The following CYB5R3 variants were observed in gnomAD, a reference collection of about 807,000 sequenced individuals.
CYB5R3 encodes NADH-cytochrome b5 reductase 3.
CYB5R3 carries 28 observed loss-of-function variants against 36.5 expected under a neutral mutation model. That is an observed-to-expected ratio of 0.77 (90% confidence interval 0.57 to 1.05). CYB5R3 has a LOEUF of 1.05. CYB5R3 is among the 50% of genes least tolerant of loss of function. The probability of loss-of-function intolerance (pLI) is 0.00; values close to 1 mark genes in which losing one functional copy is unlikely to be tolerated. For missense variants in CYB5R3, 474 were observed against 408.9 expected, an observed-to-expected ratio of 1.16 and a Z score of -1.37; for synonymous variants, 181 against 159.8, an observed-to-expected ratio of 1.13 and a Z score of -1.00.
intron 2 of CYB5R3, chr22:42,632,226 G>A (rs965111137): frequency 6.6e-6 from 1 of 152,426 alleles, no homozygotes; most frequent in Non-Finnish European, 1.5e-5. Flanking sequence ...GCGTCCTGAG[G>A]GTGCACTCCC....
intron 8 of CYB5R3, among the ~76,000 whole-genome samples, chr22:42,621,146 TGTAA>T (rs1396556767): frequency 6.6e-6 from 1 of 152,072 alleles, no homozygotes; most frequent in East Asian, 1.9e-4. Context: ...TGTGCAGGTA[TGTAA>T]GACACCTTTC....
intron 1 of CYB5R3, among the ~76,000 whole-genome samples, chr22:42,637,071 A>G (rs1459537655): frequency 6.6e-6 from 1 of 152,220 alleles, no homozygotes; most frequent in Non-Finnish European, 1.5e-5. Context: ...CTGGGCTTCT[A>G]TGCTCAGTAC....
At chr22:42,628,546 G>A (rs922582197) in intron 4 of CYB5R3, among the ~76,000 whole-genome samples, 1 of 152,172 alleles carries the variant, frequency 6.6e-6, no homozygotes, top group Non-Finnish European at 1.5e-5. Context: ...ACCAACTCCA[G>A]GGCTGGATGC....
At position 42,619,921 on chromosome 22, in the gene CYB5R3, A is replaced by G; in HGVS notation, c.758T>C (p.Val253Ala). 1.2e-6 allele frequency: 2 copies of G among 1,605,804 alleles called. No homozygotes were observed. The highest frequency in any genetic ancestry group is 1.7e-6 in the Non-Finnish European group (2 of 1,176,258). ...PEAWDYGQGF[V>A]NEEMIRDHLP... ...GTGGTCCCGGATCATCTCCTCATTC[A>G]CGAAGCCCTGGCCGTAGTCCCAGGC... Residue 253 changes from valine to alanine, a missense_variant, in exon 9 of 9, where the codon GTG becomes GCG. Physicochemically the swap from Val to Ala is moderately conservative, Grantham distance 64. Transcript: ENST00000352397.
chr22:42,628,816 C>T (rs1272706225), intron 4 of CYB5R3, among the ~76,000 whole-genome samples: 1 of 152,170 alleles, frequency 6.6e-6, no homozygotes, highest in East Asian at 1.9e-4. Flanking sequence ...AGAGGAGGAG[C>T]GGCTCACCCT....
intron 2 of CYB5R3, among the ~76,000 whole-genome samples, chr22:42,635,719 T>G (rs957286300): frequency 6.6e-6 from 1 of 152,046 alleles, no homozygotes; most frequent in African/African-American, 2.4e-5. Flanking sequence ...AAGCCCAGGG[T>G]GGAGACTTGG....
In CYB5R3 at chr22:42,630,872, G is replaced by A. The variant is rs1928574628; in HGVS notation, c.333+10C>T. 6.2e-7 allele frequency: 1 copy of A among 1,608,756 alleles called. No individual in the cohort carries two copies. Among genetic ancestry groups the A allele is most frequent in the Non-Finnish European group, 8.5e-7 (1 of 1,176,732 alleles). On this transcript the variant is annotated intron_variant, in intron 4 of 8. Transcript: ENST00000352397. Reference sequence around the variant, plus strand: ...ACACCCCCTCCACAGTCATGACCCAGAGGCTTCACCTTGATGACCAGGTCC... The same window carrying A: ...ACACCCCCTCCACAGTCATGACCCAAAGGCTTCACCTTGATGACCAGGTCC...
In CYB5R3 at chr22:42,619,536, T is replaced by G. The variant is rs1014840413; in HGVS notation, c.*237A>C. 1.6e-5 allele frequency: 9 copies of G among 576,402 alleles called. No individual in the cohort carries two copies. The highest frequency in any genetic ancestry group is 2.8e-5 in the Non-Finnish European group (9 of 321,658). 35.7% of individuals were successfully genotyped at this position (576,402 alleles called of 1,614,324 possible). On this transcript the variant is annotated 3_prime_UTR_variant, in exon 9 of 9. Transcript: ENST00000352397. The stretch of plus-strand genomic sequence containing the variant: ...CAGGGATGGGGCTGGGCGTCTCTGG[T>G]AAGGACCAGTAAGTGCCAGGCAGGA...
chr22:42,645,226 C>T (rs1369057278), intron 1 of CYB5R3, among the ~76,000 whole-genome samples: 3 of 152,188 alleles, frequency 2.0e-5, no homozygotes, highest in African/African-American at 4.8e-5. Context: ...CTGTGTCTGT[C>T]GTCACCACTG....
chr22:42,649,327 G>A lies in CYB5R3; in HGVS notation c.-12C>T, dbSNP rs766757771. On this transcript the variant is annotated 5_prime_UTR_variant, in exon 1 of 9. Coordinates refer to ENST00000352397, the MANE Select transcript of CYB5R3 (RefSeq NM_000398.7). ...AGCTGGGCCCCCATGGTGGCCCCGCGCCGCGCTCGCTCTGTCGCCGCCGCC... is the reference window on the plus strand; with the variant it reads ...AGCTGGGCCCCCATGGTGGCCCCGCACCGCGCTCGCTCTGTCGCCGCCGCC... 3.0e-6 allele frequency: 3 copies of A among 1,011,756 alleles called. No individual in the cohort carries two copies. The highest frequency in any genetic ancestry group is 7.4e-5 in the South Asian group (2 of 27,038). The allele number at this position is 1,011,756 out of a possible 1,614,324, so 62.7% of individuals were successfully genotyped here. A position where few individuals can be genotyped will look rare whatever the true frequency, so the allele number is the denominator to read the frequency against.
At chr22:42,649,113 C>G (rs1929654018) in intron 1 of CYB5R3, among the ~76,000 whole-genome samples, 182 bp downstream of exon 1, 1 of 152,134 alleles carries the variant, frequency 6.6e-6, no homozygotes, top group Non-Finnish European at 1.5e-5. Context: ...GTAGCGGTCA[C>G]CACGTAGCTC....
chr22:42,622,775 GC>G (rs1356650609), intron 8 of CYB5R3, among the ~76,000 whole-genome samples: 3 of 152,322 alleles, frequency 2.0e-5, no homozygotes, highest in South Asian at 2.1e-4. Flanking sequence ...GAGGGTGTGC[GC>G]CCCCCACCAT....
At chr22:42,620,091 A>C in intron 8 of CYB5R3, 146 bp from the exon 9 acceptor site, 1 of 809,852 alleles carries the variant, frequency 1.2e-6, no homozygotes, top group Non-Finnish European at 2.1e-6. Context: ...CCCTGCCCCC[A>C]ACCCTGACTC....
intron 4 of CYB5R3, among the ~76,000 whole-genome samples, chr22:42,628,644 T>TA (rs1171288986): frequency 1.3e-5 from 2 of 152,188 alleles, no homozygotes; most frequent in Admixed American, 6.5e-5. Flanking sequence ...GGAGGCCCAC[T>TA]AAGCCACACT....
chr22:42,646,735 AG>A, intron 1 of CYB5R3: 2 of 985,764 alleles, frequency 2.0e-6, no homozygotes, highest in Non-Finnish European at 2.4e-6. Flanking sequence ...GAGGGAGTGG[AG>A]GAAGTTCTGC....
At chr22:42,646,446 C>T (rs1168642545) in intron 1 of CYB5R3, among the ~76,000 whole-genome samples, 2 of 152,168 alleles carry the variant, frequency 1.3e-5, no homozygotes, top group African/African-American at 4.8e-5. Flanking sequence ...AGCTCTGCTC[C>T]CCACACATAG....
chr22:42,636,755 C>G lies in CYB5R3; in HGVS notation c.113G>C (p.Ser38Thr). ...CCGCAGCGGGTACTTGATGTCCGGG[C>G]TCTCGAGGGTGATGGCTGGCGTGGA... The part of the protein sequence containing the change: ...QRSTPAITLE[S>T]PDIKYPLRLI... The change falls in exon 2 of 9, where the codon AGC (serine) becomes ACC (threonine). Residue 38 changes from serine (S) to threonine (T), a missense_variant. Physicochemically the swap from Ser to Thr is moderately conservative, Grantham distance 58. Coordinates refer to ENST00000352397, the MANE Select transcript of CYB5R3 (RefSeq NM_000398.7). 1 of 1,613,648 alleles carries G rather than the reference C, an allele frequency of 6.2e-7. No individual in the cohort carries two copies. The highest frequency in any genetic ancestry group is 1.1e-5 in the South Asian group (1 of 91,068).
Position 42,649,365 on chromosome 22 carries a change from A to G in CYB5R3, c.-50T>C. On this transcript the variant is annotated 5_prime_UTR_variant, in exon 1 of 9. Coordinates refer to ENST00000352397, the MANE Select transcript of CYB5R3 (RefSeq NM_000398.7). ...TGTCGCCGCCGCCGCCGCCGCCGAG[A>G]CCGTCGCGCCCGGGCCCGCGTCACT... 2 of 731,380 alleles carry G rather than the reference A, an allele frequency of 2.7e-6. No homozygotes were observed. The highest frequency in any genetic ancestry group is 4.7e-5 in the South Asian group (1 of 21,250). The allele number at this position is 731,380 out of a possible 1,614,324, so 45.3% of individuals were successfully genotyped here.
Position 42,627,301 on chromosome 22 carries a change from G to A in CYB5R3, c.633+3C>T. 6.2e-7 allele frequency: 1 copy of A among 1,613,464 alleles called. No homozygotes were observed. The highest frequency in any genetic ancestry group is 8.5e-7 in the Non-Finnish European group (1 of 1,179,612). On this transcript the variant is annotated splice_donor_region_variant and intron_variant, in intron 7 of 8. Transcript: ENST00000352397. ...TTTCCCCATCATGGGGATGCCCACT[G>A]ACCTGGTTGGCAAAGAGCAGGTGGC...
Sources: gnomAD v4.1 joint callset for allele counts (sites outside exome capture counted in the v4.1 genomes callset) on GRCh38, gnomAD v4.1.1 for gene constraint, MANE v1.5 for transcripts, NCBI Gene and HGNC (gene_info 2026-07-23, HGNC 2026-07-21) for gene names.